Variants in PRPF18 observed in about 807,000 individuals in gnomAD.
The protein encoded by PRPF18 is pre-mRNA processing factor 18.
A neutral mutation model predicts 46.5 loss-of-function variants in PRPF18; 38 were observed. That is an observed-to-expected ratio of 0.82 (90% CI 0.63 to 1.07). PRPF18 has a LOEUF of 1.07. PRPF18 is among the 50% of genes least tolerant of loss of function. The probability of loss-of-function intolerance (pLI) is 0.00; values close to 1 mark genes in which losing one functional copy is unlikely to be tolerated. For synonymous variants in PRPF18, 152 were observed against 146.7 expected, an observed-to-expected ratio of 1.04 and a Z score of -0.26; for missense variants, 263 against 410.0, an observed-to-expected ratio of 0.64 and a Z score of 3.10.
chr10:13,632,809 A>G (rs937951691), downstream of PRPF18: 13 of 152,360 alleles, frequency 8.5e-5, no homozygotes, highest in East Asian at 2.5e-3. Context: ...CCAAATCGTG[A>G]AAATTTGGCT....
the PRPF18 span, chr10:13,651,898 G>C: frequency 8.7e-6 from 13 of 1,489,828 alleles, no homozygotes; most frequent in African/African-American, 1.4e-5. Flanking sequence ...CTCCCCTTAC[G>C]GTACCTCTAT....
At chr10:13,596,203 A>G (rs2080032962) in intron 1 of PRPF18, among the ~76,000 whole-genome samples, 1 of 152,180 alleles carries the variant, frequency 6.6e-6, no homozygotes, top group Non-Finnish European at 1.5e-5. Flanking sequence ...AACTGGGGCT[A>G]GTTTTGTAAA....
chr10:13,590,449 A>G (rs1337704448), intron 1 of PRPF18, among the ~76,000 whole-genome samples: 5 of 139,988 alleles, frequency 3.6e-5, no homozygotes, highest in East Asian at 2.0e-4. Flanking sequence ...TACAAAAAAA[A>G]AAAATATATA....
At chr10:13,650,439 TGTATGTAG>T in the PRPF18 span, among the ~76,000 whole-genome samples, 1 of 152,182 alleles carries the variant, frequency 6.6e-6, no homozygotes, top group Non-Finnish European at 1.5e-5. Flanking sequence ...TATTCGTGTA[TGTATGTAG>T]GTATTTCAAG....
At chr10:13,602,996 T>G (rs1282813845) in intron 3 of PRPF18, among the ~76,000 whole-genome samples, 1 of 152,252 alleles carries the variant, frequency 6.6e-6, no homozygotes, top group African/African-American at 2.4e-5. Flanking sequence ...CCTCACAAAG[T>G]GCTGGGATTA....
intron 6 of PRPF18, 108 bp downstream of exon 6, chr10:13,611,791 C>T: frequency 1.2e-6 from 1 of 841,212 alleles, no homozygotes; most frequent in Non-Finnish European, 1.9e-6. Context: ...CCTCAATACA[C>T]ATTTCTCACA....
the PRPF18 span, chr10:13,643,611 G>A: frequency 2.0e-5 from 3 of 152,632 alleles, no homozygotes; most frequent in Non-Finnish European, 4.4e-5. Flanking sequence ...GGAGCCCACT[G>A]AGGACACAAG....
chr10:13,638,093 C>G, the PRPF18 span: 2 of 152,130 alleles, frequency 1.3e-5, no homozygotes, highest in African/African-American at 4.8e-5. Context: ...CATGGTCCTG[C>G]GAAGAAGATA....
downstream of PRPF18, among the ~76,000 whole-genome samples, chr10:13,633,288 A>C (rs977622964): frequency 2.0e-5 from 3 of 152,176 alleles, no homozygotes; most frequent in African/African-American, 7.2e-5. Flanking sequence ...GCTCAGTGAG[A>C]ACTCAGAGGA....
At chr10:13,609,599 G>T (rs1227580995) in intron 4 of PRPF18, among the ~76,000 whole-genome samples, 1 of 152,212 alleles carries the variant, frequency 6.6e-6, no homozygotes, top group East Asian at 1.9e-4. Flanking sequence ...GGATATAGAT[G>T]AGGCACCAAT....
downstream of PRPF18, among the ~76,000 whole-genome samples, chr10:13,633,152 A>G (rs148071471): frequency 6.6e-6 from 1 of 152,204 alleles, no homozygotes; most frequent in South Asian, 2.1e-4. Context: ...AAGATAATTG[A>G]CATGTGGAAA....
At chr10:13,608,004 C>G (rs946839925) in intron 4 of PRPF18, among the ~76,000 whole-genome samples, 1 of 152,144 alleles carries the variant, frequency 6.6e-6, no homozygotes, top group South Asian at 2.1e-4. Flanking sequence ...TACTTGCTTT[C>G]TCAATTATTG....
At chr10:13,639,626 T>C in the PRPF18 span, 2 of 152,198 alleles carry the variant, frequency 1.3e-5, no homozygotes, top group Admixed American at 6.5e-5. Flanking sequence ...AGAGGTCTCT[T>C]TGAGATTTTA....
the PRPF18 span, chr10:13,654,467 A>G: frequency 2.5e-6 from 4 of 1,613,980 alleles, no homozygotes; most frequent in East Asian, 6.7e-5. Context: ...GGTGGCTCCA[A>G]TTTCACTTGA....
chr10:13,588,470 G>C (rs2079909475), intron 1 of PRPF18, among the ~76,000 whole-genome samples: 1 of 151,566 alleles, frequency 6.6e-6, no homozygotes, highest in African/African-American at 2.4e-5. Context: ...CCGGCTGCTT[G>C]GGAGACCAAG....
intron 1 of PRPF18, among the ~76,000 whole-genome samples, chr10:13,596,411 C>T (rs181569193): frequency 2.6e-5 from 4 of 152,278 alleles, no homozygotes; most frequent in Admixed American, 1.3e-4. Context: ...TCCATTGTCA[C>T]CATTGGCCTT....
intron 3 of PRPF18, among the ~76,000 whole-genome samples, chr10:13,601,441 A>T (rs2080107822): frequency 6.6e-6 from 1 of 152,252 alleles, no homozygotes; most frequent in Non-Finnish European, 1.5e-5. Context: ...TCAATACAAA[A>T]GGCTGTAAAA....
At chr10:13,625,547 GA>G (rs2080490340) in intron 9 of PRPF18, among the ~76,000 whole-genome samples, 1 of 152,140 alleles carries the variant, frequency 6.6e-6, no homozygotes, top group South Asian at 2.1e-4. Flanking sequence ...ACAGAAAAGG[GA>G]AGATAGGAAA....
chr10:13,614,285 G>A (rs906897012), intron 8 of PRPF18, among the ~76,000 whole-genome samples, 199 bp downstream of exon 8: 7 of 152,158 alleles, frequency 4.6e-5, no homozygotes, highest in African/African-American at 1.7e-4. Context: ...ACCTGACTAA[G>A]AAAATACAGA....
Sources: allele counts gnomAD v4.1 joint callset (sites outside exome capture counted in the v4.1 genomes callset), GRCh38; gene constraint gnomAD v4.1.1; transcripts MANE v1.5; gene names NCBI Gene and HGNC (gene_info 2026-07-23, HGNC 2026-07-21).